The following FSIP2 variants were observed in gnomAD, a reference collection of about 807,000 sequenced individuals.
FSIP2 encodes the protein fibrous sheath-interacting protein 2.
FSIP2 carries 367 observed loss-of-function variants against 510.5 expected under a neutral mutation model. The observed-to-expected ratio is 0.72, with a 90% confidence interval of 0.66 to 0.78. The LOEUF (loss-of-function observed/expected upper bound fraction) is 0.78. Ranked by LOEUF, FSIP2 falls within the 30% of genes least tolerant of loss-of-function variation. The pLI, the probability that FSIP2 is intolerant of heterozygous loss-of-function variation, is 0.00. For synonymous variants in FSIP2, 2,601 were observed against 2,732.2 expected, an observed-to-expected ratio of 0.95 and a Z score of 1.50; for missense variants, 7,594 against 7,901.7, an observed-to-expected ratio of 0.96 and a Z score of 1.48.
chr2:185,820,939 A>T lies in FSIP2; in HGVS notation c.20427-3495A>T, dbSNP rs139369933. Among the ~76,000 whole-genome samples, 1,022 of 151,128 alleles carry T rather than the reference A, an allele frequency of 6.8e-3. 18 individuals carry two copies. The highest frequency in any genetic ancestry group is 0.024 in the African/African-American group (988 of 41,346). ...GGTATTAAGTAGAAGGAAATAATAA[A>T]GATTAGACCAGGAATAAAATAGAGA... On this transcript the variant is annotated intron_variant, in intron 19 of 22. Transcript: ENST00000424728.
In FSIP2 at chr2:185,801,005, G is replaced by C; in HGVS notation, c.11699G>C (p.Ser3900Thr). The C allele has an allele frequency of 6.5e-7, 1 of 1,532,036 alleles. No individual in the cohort carries two copies. The highest frequency in any genetic ancestry group is 8.7e-7 in the Non-Finnish European group (1 of 1,144,318). 94.9% of individuals were successfully genotyped at this position (1,532,036 alleles called of 1,614,324 possible). A position where few individuals can be genotyped will look rare whatever the true frequency, so the allele number is the denominator to read the frequency against. The change falls in exon 17 of 23, where the codon AGT becomes ACT. Residue 3900 changes from serine (S) to threonine (T), a missense_variant. Transcript: ENST00000424728. ...TTAATAGAATTAGGACAGAGTAAAA[G>C]TTCTTTAGAACTCAGGAGCTATGAT... ...SELIELGQSK[S>T]SLELRSYDSN...
chr2:185,808,356 G>T lies in FSIP2; in HGVS notation c.19050G>T (p.Glu6350Asp). The T allele has an allele frequency of 6.2e-7, 1 of 1,611,272 alleles. No homozygotes were observed. Among genetic ancestry groups the T allele is most frequent in the Non-Finnish European group, 8.5e-7 (1 of 1,179,084 alleles). Reference protein sequence around the residue: ...GLTLDAKLLEEVLALFLAKLI... With the variant: ...GLTLDAKLLEDVLALFLAKLI... ...CATTAGATGCCAAACTTTTAGAAGA[G>T]GTGTTGGCCTTGTTCTTGGCTAAAC... Residue 6350 changes from glutamate (E) to aspartate (D), a missense_variant, in exon 17 of 23, where the codon GAG becomes GAT. Glu to Asp is a conservative substitution (Grantham distance 45). Transcript: ENST00000424728.
chr2:185,750,763 C>A (rs1692130878), intron 7 of FSIP2, among the ~76,000 whole-genome samples: 1 of 151,122 alleles, frequency 6.6e-6, no homozygotes, highest in South Asian at 2.1e-4. Context: ...CAAGAGTCCC[C>A]AGATTTTTTT....
chr2:185,738,737 T>G, upstream of FSIP2: 2 of 1,535,978 alleles, frequency 1.3e-6, no homozygotes, highest in South Asian at 1.2e-5. Context: ...GCCACCGCCC[T>G]TCTGGGGCCG....
intron 8 of FSIP2, 110 bp from the exon 9 acceptor site, chr2:185,756,082 G>A (rs752767728): frequency 2.5e-6 from 1 of 406,198 alleles, no homozygotes; most frequent in Non-Finnish European, 4.4e-6. Flanking sequence ...CCCACATACA[G>A]ATTAGCATAT....
At chr2:185,763,976 T>A (rs531271761) in intron 12 of FSIP2, among the ~76,000 whole-genome samples, 1 of 151,788 alleles carries the variant, frequency 6.6e-6, no homozygotes, top group East Asian at 1.9e-4. Context: ...TAGTTCACTG[T>A]TCTACCATAT....
Position 185,782,722 on chromosome 2 carries a change from A to G in FSIP2, c.1429A>G (p.Thr477Ala). ...ATAAATAGGACCTCAGGCTCATGCT[A>G]CAGACCCGGGTATATTTTCTTCTCC... ...LCESGPQAHA[T>A]DPGIFSSPVY... Residue 477 changes from threonine (T) to alanine (A), a missense_variant, in exon 14 of 23, where the codon ACA (threonine) becomes GCA (alanine). By Grantham distance (58) the Thr-to-Ala change is moderately conservative (BLOSUM62 0). Coordinates refer to ENST00000424728, the MANE Select transcript of FSIP2 (RefSeq NM_173651.4). The G allele has an allele frequency of 6.7e-7, 1 of 1,502,990 alleles. No homozygotes were observed. Among genetic ancestry groups the G allele is most frequent in the Non-Finnish European group, 9.0e-7 (1 of 1,116,756 alleles). The allele number at this position is 1,502,990 out of a possible 1,614,324, so 93.1% of individuals were successfully genotyped here.
At chr2:185,774,714 A>G (rs1165541033) in intron 13 of FSIP2, among the ~76,000 whole-genome samples, 12 of 124,456 alleles carry the variant, frequency 9.6e-5, no homozygotes, top group Admixed American at 4.1e-4. Flanking sequence ...TATATCTCCC[A>G]ATGCTATCCC....
intron 7 of FSIP2, among the ~76,000 whole-genome samples, chr2:185,748,713 G>A (rs1692084819): frequency 6.6e-6 from 1 of 152,048 alleles, no homozygotes; most frequent in Non-Finnish European, 1.5e-5. Context: ...CAGCCTGGGA[G>A]GAGTGCCCAT....
Position 185,789,029 on chromosome 2 carries a change from C to A in FSIP2, c.1893C>A (p.Thr631=), listed in dbSNP as rs1693054734. Residue 631 remains threonine, a synonymous_variant, in exon 16 of 23, where the codon ACC becomes ACA. Coordinates refer to ENST00000424728, the MANE Select transcript of FSIP2 (RefSeq NM_173651.4). The part of the protein sequence containing the change: ...SIISKHKYNK[T]NLLYSYPKLR... ...TCTCTAAACATAAATATAATAAAAC[C>A]AACTTGCTATATTCATACCCTAAGC... 3 of 1,533,646 alleles carry A rather than the reference C, an allele frequency of 2.0e-6. No homozygotes were observed. Among genetic ancestry groups the A allele is most frequent in the Non-Finnish European group, 2.6e-6 (3 of 1,145,314 alleles).
intron 20 of FSIP2, among the ~76,000 whole-genome samples, chr2:185,825,867 A>G (rs1358855201): frequency 6.6e-6 from 1 of 151,890 alleles, no homozygotes; most frequent in Non-Finnish European, 1.5e-5. Flanking sequence ...GGACTTAAAC[A>G]AGATAATTCC....
chr2:185,789,421 T>C lies in FSIP2; in HGVS notation c.2285T>C (p.Met762Thr). The C allele has an allele frequency of 1.3e-6, 2 of 1,534,930 alleles. No individual in the cohort carries two copies. The highest frequency in any genetic ancestry group is 1.7e-6 in the Non-Finnish European group (2 of 1,145,936). The change falls in exon 16 of 23, where the codon ATG becomes ACG. Residue 762 changes from methionine to threonine, a missense_variant. Met to Thr is a moderately conservative substitution (Grantham distance 81). Coordinates refer to ENST00000424728, the MANE Select transcript of FSIP2 (RefSeq NM_173651.4). ...GTTGCTTCTGAGATTGTGGAAAATA[T>C]GCTTGAGAAGTTAGAGTCTGCAGTT... ...PSVASEIVEN[M>T]LEKLESAVEK...
Position 185,794,009 on chromosome 2 carries a change from T to C in FSIP2, c.6873T>C (p.Asn2291=), listed in dbSNP as rs574067142. The change falls in exon 16 of 23, where the codon AAT becomes AAC. Residue 2291 remains asparagine, a synonymous_variant. Transcript: ENST00000424728. ...EKSFVIPELE[N]CKQNDSIFYD... ...CATTTGTTATCCCAGAATTGGAAAA[T>C]TGTAAACAAAATGACAGCATCTTTT... The C allele has an allele frequency of 2.3e-5, 36 of 1,533,662 alleles. No homozygotes were observed. The highest frequency in any genetic ancestry group is 1.5e-4 in the African/African-American group (11 of 72,970).
Position 185,788,669 on chromosome 2 carries a change from A to C in FSIP2, c.1533A>C (p.Ile511=). ...EKVTSEELNI[I]IQNVMTWVVA... Reference sequence around the variant, plus strand: ...TAACTTCTGAAGAACTGAATATTATAATTCAGAATGTAATGACCTGGGTTG... The same window carrying C: ...TAACTTCTGAAGAACTGAATATTATCATTCAGAATGTAATGACCTGGGTTG... Residue 511 remains isoleucine (I), a synonymous_variant, in exon 16 of 23, where the codon ATA becomes ATC. Coordinates refer to ENST00000424728, the MANE Select transcript of FSIP2 (RefSeq NM_173651.4). 2.6e-6 allele frequency: 4 copies of C among 1,517,088 alleles called. No homozygotes were observed. Among genetic ancestry groups the C allele is most frequent in the Non-Finnish European group, 3.5e-6 (4 of 1,139,374 alleles). 94.0% of individuals were successfully genotyped at this position (1,517,088 alleles called of 1,614,324 possible).
intron 19 of FSIP2, among the ~76,000 whole-genome samples, 170 bp from the exon 20 acceptor site, chr2:185,824,264 G>T (rs1693975322): frequency 6.6e-6 from 1 of 151,844 alleles, no homozygotes; most frequent in Admixed American, 6.6e-5. Context: ...AATTTTAAAA[G>T]TAGGGGAAAA....
At position 185,806,660 on chromosome 2, in the gene FSIP2, A is replaced by G; in HGVS notation, c.17354A>G (p.Lys5785Arg). The G allele has an allele frequency of 6.2e-7, 1 of 1,602,234 alleles. No homozygotes were observed. The highest frequency in any genetic ancestry group is 1.3e-5 in the African/African-American group (1 of 74,078). Residue 5785 changes from lysine to arginine, a missense_variant, in exon 17 of 23, where the codon AAG becomes AGG. By Grantham distance (26) the Lys-to-Arg change is conservative (BLOSUM62 2). Coordinates refer to ENST00000424728, the MANE Select transcript of FSIP2 (RefSeq NM_173651.4). ...RESKPGIFPA[K>R]FLEDVITEMV... ...AGTAAACCTGGAATTTTTCCCGCTA[A>G]GTTTTTAGAAGATGTTATTACTGAG...
chr2:185,764,144 G>A (rs1459834981), intron 12 of FSIP2, among the ~76,000 whole-genome samples: 1 of 151,456 alleles, frequency 6.6e-6, no homozygotes, highest in Non-Finnish European at 1.5e-5. Flanking sequence ...CCTTTTTAGG[G>A]TAATGTGTGC....
rs1175547813 is a variant in FSIP2, at chr2:185,795,604, T to C, written c.8468T>C (p.Val2823Ala). 3 of 1,535,106 alleles carry C rather than the reference T, an allele frequency of 2.0e-6. No individual in the cohort carries two copies. The highest frequency in any genetic ancestry group is 2.0e-5 in the Admixed American group (1 of 50,912). ...KQQACFYLEN[V>A]SSQLEHIFPR... ...CAAGCATGTTTTTACTTGGAGAATG[T>C]TTCTTCACAGCTAGAGCACATTTTT... The change falls in exon 16 of 23, where the codon GTT becomes GCT. Residue 2823 changes from valine to alanine, a missense_variant. Val to Ala is a moderately conservative substitution (Grantham distance 64, BLOSUM62 0). Coordinates refer to ENST00000424728, the MANE Select transcript of FSIP2 (RefSeq NM_173651.4).
At chr2:185,799,370 G>A (rs1339993968) in intron 16 of FSIP2, among the ~76,000 whole-genome samples, 2 of 151,762 alleles carry the variant, frequency 1.3e-5, no homozygotes, top group Non-Finnish European at 2.9e-5. Flanking sequence ...ATGGTAGGAT[G>A]CATCGCTAAG....
Sources: gnomAD v4.1 joint callset for allele counts (sites outside exome capture counted in the v4.1 genomes callset) on GRCh38, gnomAD v4.1.1 for gene constraint, MANE v1.5 for transcripts, NCBI Gene and HGNC (gene_info 2026-07-23, HGNC 2026-07-21) for gene names.